Variants in CSPP1 observed in about 807,000 individuals in gnomAD.
The protein encoded by CSPP1 is centrosome and spindle pole associated protein 1, also known as centrosome and spindle pole-associated protein 1.
Under a neutral mutation model 164.4 loss-of-function variants are expected in CSPP1, and 126 were observed. That is an observed-to-expected ratio of 0.77 (90% CI 0.66 to 0.89). The LOEUF is 0.89. Among genes scored for constraint, CSPP1 ranks in the 40% least tolerant of loss-of-function variants. The pLI is 0.00. For missense variants in CSPP1, 1,395 were observed against 1,449.8 expected (o/e 0.96, Z 0.61); for synonymous variants, 472 against 476.7 (o/e 0.99, Z 0.13).
chr8:67,132,107 T>C (rs1821349760), intron 16 of CSPP1, 27 bp downstream of exon 16: 1 of 1,602,968 alleles, frequency 6.2e-7, no homozygotes, highest in African/African-American at 1.3e-5. Flanking sequence ...TCATTTACTG[T>C]TGAACCTCTT....
chr8:67,171,600 T>C (rs1320174332), intron 24 of CSPP1, among the ~76,000 whole-genome samples: 3 of 151,978 alleles, frequency 2.0e-5, no homozygotes, highest in Non-Finnish European at 4.4e-5. Context: ...CAAGCTGGAG[T>C]GCAGTGGCGT....
chr8:67,161,229 G>A (rs1828278526), intron 21 of CSPP1, among the ~76,000 whole-genome samples: 1 of 152,036 alleles, frequency 6.6e-6, no homozygotes, highest in Non-Finnish European at 1.5e-5. Flanking sequence ...TAGCTTTTTG[G>A]TCTTTTGTTA....
intron 7 of CSPP1, chr8:67,099,341 T>C (rs913050773): frequency 2.0e-5 from 3 of 152,102 alleles, no homozygotes; most frequent in South Asian, 2.1e-4. Flanking sequence ...CTGATCTTGT[T>C]TGATGTTGGA....
intron 28 of CSPP1, among the ~76,000 whole-genome samples, chr8:67,184,993 T>G (rs1264495016): frequency 4.1e-5 from 6 of 145,512 alleles, no homozygotes; most frequent in African/African-American, 7.6e-5. Flanking sequence ...AAGTCCCAGC[T>G]GCTCGGGAGG....
intron 12 of CSPP1, among the ~76,000 whole-genome samples, chr8:67,115,687 AT>A (rs1817787000): frequency 6.6e-6 from 1 of 152,100 alleles, no homozygotes; most frequent in Admixed American, 6.6e-5. Context: ...AAATAAATAA[AT>A]AAATAAGATA....
In CSPP1 at chr8:67,190,686, A is replaced by T; in HGVS notation, c.3257A>T (p.Asp1086Val). Residue 1086 changes from aspartate (D) to valine (V), a missense_variant, in exon 29 of 31, where the codon GAC (aspartate) becomes GTC (valine). Asp to Val is a radical substitution (Grantham distance 152). Transcript: ENST00000678616. ...GAGACATATCCTGCCATTGAAGATG[A>T]CGTCCTCCCTCCACCATCACAGTTG... ...YGETYPAIED[D>V]VLPPPSQLPS... 6.2e-7 allele frequency: 1 copy of T among 1,614,122 alleles called. No individual in the cohort carries two copies.
intron 26 of CSPP1, among the ~76,000 whole-genome samples, chr8:67,175,758 A>C (rs1037200483): frequency 6.6e-6 from 1 of 152,254 alleles, no homozygotes; most frequent in African/African-American, 2.4e-5. Flanking sequence ...CAGACATATC[A>C]GTGCCCTGTC....
intron 10 of CSPP1, among the ~76,000 whole-genome samples, chr8:67,112,423 G>T (rs1212221005): frequency 2.0e-5 from 3 of 151,756 alleles, no homozygotes; most frequent in Non-Finnish European, 4.4e-5. Flanking sequence ...ATATGAAATG[G>T]TATGCACACA....
In CSPP1 at chr8:67,064,423, G is replaced by C. The variant is rs1250503298; in HGVS notation, c.-126G>C. 6.2e-7 allele frequency: 1 copy of C among 1,613,698 alleles called. No homozygotes were observed. The highest frequency in any genetic ancestry group is 2.2e-5 in the East Asian group (1 of 44,868). On this transcript the variant is annotated 5_prime_UTR_variant, in exon 1 of 31. Coordinates refer to ENST00000678616, the MANE Select transcript of CSPP1 (RefSeq NM_001382391.1). ...CATGCTGTTCCCGCTCCAGGTGGCC[G>C]CTGTAACCTCTTCGGTCCGCGACGA...
intron 23 of CSPP1, among the ~76,000 whole-genome samples, 170 bp from the exon 24 acceptor site, chr8:67,164,221 C>T (rs1359545188): frequency 6.6e-6 from 1 of 152,082 alleles, no homozygotes; most frequent in East Asian, 1.9e-4. Flanking sequence ...GTCCTAATGA[C>T]GTTCACAATT....
At position 67,164,395 on chromosome 8, in the gene CSPP1, GAA is replaced by G; in HGVS notation, c.2722_2723del (p.Asn908CysfsTer14). On this transcript the variant is annotated frameshift_variant, in exon 24 of 31. Transcript: ENST00000678616. LOFTEE classifies it high-confidence loss of function. ...RKNQLRAEEEKKNVIMELSEM... is the reference protein window; with the variant it reads ...RKNQLRAEEEXKNVIMELSEM... ...CTTATCAATGGGAATTTGCAGAGGA[GAA>G]AAAAAATGTAATTATGGAATTATCA... 2.6e-6 allele frequency: 4 copies of G among 1,522,350 alleles called. No homozygotes were observed. Among genetic ancestry groups the G allele is most frequent in the Non-Finnish European group, 3.6e-6 (4 of 1,098,762 alleles). 94.3% of individuals were successfully genotyped at this position (1,522,350 alleles called of 1,614,324 possible).
At position 67,085,988 on chromosome 8, in the gene CSPP1, G is replaced by C. The variant is rs771749359; in HGVS notation, c.200-19G>C. On this transcript the variant is annotated intron_variant, in intron 3 of 30. Coordinates refer to ENST00000678616, the MANE Select transcript of CSPP1 (RefSeq NM_001382391.1). Reference sequence around the variant, plus strand: ...TTGGTTTGAAAATGAATTATACTAAGAAGTTGTTTTTTTTCTAGGAATTGA... The same window carrying C: ...TTGGTTTGAAAATGAATTATACTAACAAGTTGTTTTTTTTCTAGGAATTGA... 1 of 993,376 alleles carries C rather than the reference G, an allele frequency of 1.0e-6. No homozygotes were observed. The highest frequency in any genetic ancestry group is 1.3e-5 in the South Asian group (1 of 77,898). The allele number at this position is 993,376 out of a possible 1,614,324, so 61.5% of individuals were successfully genotyped here. A position where few individuals can be genotyped will look rare whatever the true frequency, so the allele number is the denominator to read the frequency against.
In CSPP1 at chr8:67,149,786, A is replaced by T. The variant is rs1374818613; in HGVS notation, c.1979A>T (p.Asp660Val). Residue 660 changes from aspartate (D) to valine (V), a missense_variant, in exon 18 of 31, where the codon GAT (aspartate) becomes GTT (valine). Asp to Val is a radical substitution (Grantham distance 152). Coordinates refer to ENST00000678616, the MANE Select transcript of CSPP1 (RefSeq NM_001382391.1). ...LRDAKGNLITDLNRMHRQNID... is the reference protein window; with the variant it reads ...LRDAKGNLITVLNRMHRQNID... The stretch of plus-strand genomic sequence containing the variant: ...ATGGCTTATTTTTTCCTCTCAGCTG[A>T]TTTGAATAGGATGCACAGACAAAAT... The T allele has an allele frequency of 6.5e-7, 1 of 1,542,916 alleles. No homozygotes were observed. The highest frequency in any genetic ancestry group is 1.4e-5 in the African/African-American group (1 of 71,278).
chr8:67,080,748 T>C lies in CSPP1; in HGVS notation c.199+4167T>C, dbSNP rs147711985. Reference sequence around the variant, plus strand: ...ATAGCATAAGTATACAAATTAGAAATAGCCAAAGGTTGAGACACATAGGGT... The same window carrying C: ...ATAGCATAAGTATACAAATTAGAAACAGCCAAAGGTTGAGACACATAGGGT... On this transcript the variant is annotated intron_variant, in intron 3 of 30. Transcript: ENST00000678616. The C allele has an allele frequency of 2.7e-4, 41 of 152,320 alleles. No homozygotes were observed. In the East Asian group the frequency reaches 6.7e-3, roughly 25 times the overall value. The allele number at this position is 152,320 out of a possible 1,614,324, so 9.4% of individuals were successfully genotyped here.
chr8:67,125,600 A>T (rs916375650), intron 15 of CSPP1, among the ~76,000 whole-genome samples: 1 of 152,000 alleles, frequency 6.6e-6, no homozygotes, highest in Non-Finnish European at 1.5e-5. Context: ...GTTTCACAGG[A>T]TCTCTGAAGC....
At chr8:67,164,844 GTCATAAATT>G (rs540129380) in intron 24 of CSPP1, among the ~76,000 whole-genome samples, 2 of 152,296 alleles carry the variant, frequency 1.3e-5, no homozygotes, top group African/African-American at 4.8e-5. Flanking sequence ...TTTGCCAGGA[GTCATAAATT>G]TCATGAAGCA....
At chr8:67,081,396 TA>T (rs1809153777) in intron 3 of CSPP1, among the ~76,000 whole-genome samples, 1 of 152,166 alleles carries the variant, frequency 6.6e-6, no homozygotes, top group African/African-American at 2.4e-5. Flanking sequence ...GCCAATTTTT[TA>T]ATTACACATA....
intron 26 of CSPP1, among the ~76,000 whole-genome samples, chr8:67,176,334 G>T (rs1831624317): frequency 6.6e-6 from 1 of 152,182 alleles, no homozygotes; most frequent in Non-Finnish European, 1.5e-5. Context: ...GGTCTGGCTT[G>T]CAGAATCTGA....
intron 17 of CSPP1, among the ~76,000 whole-genome samples, chr8:67,138,925 T>A (rs903864996): frequency 6.6e-6 from 1 of 152,216 alleles, no homozygotes; most frequent in Non-Finnish European, 1.5e-5. Flanking sequence ...TGGTTTTAGA[T>A]CTAACATTTA....
Sources: allele counts gnomAD v4.1 joint callset (sites outside exome capture counted in the v4.1 genomes callset), GRCh38; gene constraint gnomAD v4.1.1; transcripts MANE v1.5; gene names NCBI Gene and HGNC (gene_info 2026-07-23, HGNC 2026-07-21).